Variants in DOCK1 observed in about 807,000 individuals in gnomAD.
DOCK1 encodes dedicator of cytokinesis 1.
Under a neutral mutation model 262.7 loss-of-function variants are expected in DOCK1, and 138 were observed. That is an observed-to-expected ratio of 0.53 (90% CI 0.46 to 0.61). DOCK1 has a LOEUF of 0.61. Ranked by LOEUF, DOCK1 falls within the 20% of genes least tolerant of loss-of-function variation. The pLI is 0.00. For missense variants in DOCK1, 1,908 were observed against 2,370.7 expected, an observed-to-expected ratio of 0.80 and a Z score of 4.05; for synonymous variants, 866 against 867.4, an observed-to-expected ratio of 1.00 and a Z score of 0.03.
intron 27 of DOCK1, among the ~76,000 whole-genome samples, chr10:127,221,675 G>A (rs924261420): frequency 6.6e-6 from 1 of 152,198 alleles, no homozygotes; most frequent in African/African-American, 2.4e-5. Flanking sequence ...TCAAGGTCAT[G>A]TGTCCTTTGT....
intron 1 of DOCK1, among the ~76,000 whole-genome samples, chr10:126,959,798 A>G (rs1178825475): frequency 6.6e-6 from 1 of 151,318 alleles, no homozygotes; most frequent in Non-Finnish European, 1.5e-5. Context: ...GCTAGTCAAG[A>G]TCCTGGTCTG....
intron 33 of DOCK1, among the ~76,000 whole-genome samples, chr10:127,363,278 G>A (rs2064698056): frequency 6.6e-6 from 1 of 152,142 alleles, no homozygotes; most frequent in African/African-American, 2.4e-5. Context: ...GAGAGGCCAA[G>A]GCAGGCAGAT....
At chr10:127,032,093 T>C (rs779038650) in intron 17 of DOCK1, 44 bp from the exon 18 acceptor site, 15 of 1,558,298 alleles carry the variant, frequency 9.6e-6, no homozygotes, top group Admixed American at 5.8e-5. Context: ...GGTGTGTTGC[T>C]GTTTGTGAAT....
chr10:127,067,390 T>C (rs888076192), intron 23 of DOCK1, among the ~76,000 whole-genome samples: 5 of 152,314 alleles, frequency 3.3e-5, no homozygotes, highest in Middle Eastern at 3.4e-3. Flanking sequence ...TGCAGGACCT[T>C]GGCATAGTCT....
At chr10:127,238,083 A>T (rs1397823865) in intron 27 of DOCK1, among the ~76,000 whole-genome samples, 2 of 152,208 alleles carry the variant, frequency 1.3e-5, no homozygotes, top group Non-Finnish European at 2.9e-5. Flanking sequence ...AACTCCTATG[A>T]ATAACTGCTC....
chr10:127,281,841 G>T (rs1473809960), intron 29 of DOCK1, among the ~76,000 whole-genome samples: 3 of 152,092 alleles, frequency 2.0e-5, no homozygotes, highest in Non-Finnish European at 4.4e-5. Context: ...CAGCTCCCTG[G>T]CACCACCCAT....
At chr10:126,994,424 T>C (rs921198899) in intron 6 of DOCK1, among the ~76,000 whole-genome samples, 3 of 152,124 alleles carry the variant, frequency 2.0e-5, no homozygotes, top group Non-Finnish European at 1.5e-5. Flanking sequence ...CAGATAAACA[T>C]GTGAACAAAG....
chr10:127,080,443 G>A (rs1480438306), intron 23 of DOCK1, among the ~76,000 whole-genome samples: 1 of 152,060 alleles, frequency 6.6e-6, no homozygotes, highest in Non-Finnish European at 1.5e-5. Flanking sequence ...CCCAGGGTTT[G>A]ATTGATATTT....
chr10:127,078,326 A>G (rs1314265954), intron 23 of DOCK1, among the ~76,000 whole-genome samples: 1 of 151,986 alleles, frequency 6.6e-6, no homozygotes, highest in African/African-American at 2.4e-5. Context: ...GGAAACTTGC[A>G]TGTCTGCTTT....
At chr10:127,133,000 G>A (rs1181193512) in intron 27 of DOCK1, among the ~76,000 whole-genome samples, 1 of 152,186 alleles carries the variant, frequency 6.6e-6, no homozygotes, top group Non-Finnish European at 1.5e-5. Context: ...CACCACTGGA[G>A]CATCCTGACT....
intron 27 of DOCK1, among the ~76,000 whole-genome samples, chr10:127,168,563 C>A (rs2054285530): frequency 6.6e-6 from 1 of 152,216 alleles, no homozygotes; most frequent in African/African-American, 2.4e-5. Context: ...GAGAGACTGT[C>A]TAATGTCACC....
chr10:127,442,540 G>A (rs1419629182), intron 49 of DOCK1, among the ~76,000 whole-genome samples: 1 of 152,170 alleles, frequency 6.6e-6, no homozygotes, highest in Non-Finnish European at 1.5e-5. Context: ...ACAACTTACT[G>A]ATGGAACAAA....
At chr10:127,052,912 T>C in intron 22 of DOCK1, 97 bp downstream of exon 22, 1 of 1,499,768 alleles carries the variant, frequency 6.7e-7, no homozygotes. Context: ...TATTCTTTCC[T>C]TTCTTCTTCC....
chr10:127,269,066 C>T (rs527719392), intron 29 of DOCK1, among the ~76,000 whole-genome samples: 12 of 152,228 alleles, frequency 7.9e-5, no homozygotes, highest in African/African-American at 1.4e-4. Context: ...AGGTCAAATC[C>T]GTGCTCCACC....
At chr10:127,146,211 C>A (rs2133375387) in intron 27 of DOCK1, 1 of 289,384 alleles carries the variant, frequency 3.5e-6, no homozygotes, top group East Asian at 1.2e-4. Context: ...GGGGTATAAC[C>A]AAAGGCTGGG....
At chr10:126,953,722 G>C (rs2036516789) in intron 1 of DOCK1, among the ~76,000 whole-genome samples, 4 of 152,072 alleles carry the variant, frequency 2.6e-5, no homozygotes, top group Admixed American at 6.5e-5. Flanking sequence ...GTGTTGGTGG[G>C]GGAAGCCTTG....
intron 1 of DOCK1, among the ~76,000 whole-genome samples, chr10:126,909,247 A>C (rs1319838726): frequency 6.6e-6 from 1 of 152,060 alleles, no homozygotes; most frequent in Non-Finnish European, 1.5e-5. Context: ...GGAGGCCCCT[A>C]GCTAATGATC....
intron 47 of DOCK1, among the ~76,000 whole-genome samples, chr10:127,428,339 G>A (rs560282251): frequency 1.3e-4 from 20 of 151,458 alleles, no homozygotes; most frequent in African/African-American, 4.6e-4. Context: ...GAGTGTGCTT[G>A]CTTTGGGCAC....
At chr10:127,204,251 G>T (rs912160301) in intron 27 of DOCK1, among the ~76,000 whole-genome samples, 1 of 152,106 alleles carries the variant, frequency 6.6e-6, no homozygotes, top group African/African-American at 2.4e-5. Context: ...GGCTGTTTCC[G>T]TGGATTCGAG....
Sources: allele counts gnomAD v4.1 joint callset (sites outside exome capture counted in the v4.1 genomes callset), GRCh38; gene constraint gnomAD v4.1.1; transcripts MANE v1.5; gene names NCBI Gene and HGNC (gene_info 2026-07-23, HGNC 2026-07-21).